Variants in ECT2 observed in about 807,000 individuals in gnomAD.
The protein encoded by ECT2 is protein ECT2.
Under a neutral mutation model 116.9 loss-of-function variants are expected in ECT2, and 61 were observed. That is an observed-to-expected ratio of 0.52 (90% CI 0.42 to 0.65). The LOEUF (loss-of-function observed/expected upper bound fraction) is 0.65, where lower values mean the gene tolerates loss of function less well. Ranked by LOEUF, ECT2 falls within the 30% of genes least tolerant of loss-of-function variation. The pLI is 0.00. For synonymous variants in ECT2, 358 were observed against 346.4 expected, an observed-to-expected ratio of 1.03 and a Z score of -0.37; for missense variants, 937 against 1,078.7, an observed-to-expected ratio of 0.87 and a Z score of 1.84.
chr3:172,816,487 C>G (rs1271764526), intron 23 of ECT2, among the ~76,000 whole-genome samples: 1 of 152,202 alleles, frequency 6.6e-6, no homozygotes. Context: ...TTCTCCTCCT[C>G]CTTCCATTGG....
intron 16 of ECT2, 96 bp from the exon 17 acceptor site, chr3:172,784,611 T>C: frequency 1.2e-6 from 1 of 853,666 alleles, no homozygotes; most frequent in South Asian, 1.5e-5. Context: ...TTAGTTTGTA[T>C]CACAGACACT....
chr3:172,751,766 G>C (rs977389843), intron 1 of ECT2, among the ~76,000 whole-genome samples: 2 of 152,172 alleles, frequency 1.3e-5, no homozygotes, highest in African/African-American at 4.8e-5. Context: ...CCTTGGGTCT[G>C]TTCTTGGGTG....
chr3:172,754,746 C>G, intron 2 of ECT2, 86 bp downstream of exon 2: 1 of 1,035,334 alleles, frequency 9.7e-7, no homozygotes, highest in Non-Finnish European at 1.4e-6. Flanking sequence ...AATTTTAATA[C>G]CAACTGTAAT....
chr3:172,764,111 T>C (rs73880266), intron 11 of ECT2, among the ~76,000 whole-genome samples, 167 bp from the exon 12 acceptor site: 9,621 of 152,260 alleles, frequency 0.063, 1,023 homozygotes, highest in African/African-American at 0.22. Flanking sequence ...AGTCGTCTCT[T>C]GACTATTATG....
chr3:172,790,620 T>C (rs1298563595), intron 18 of ECT2, among the ~76,000 whole-genome samples: 1 of 152,216 alleles, frequency 6.6e-6, no homozygotes, highest in Non-Finnish European at 1.5e-5. Context: ...ATGGATCTGT[T>C]CTATCTGTGG....
intron 12 of ECT2, among the ~76,000 whole-genome samples, chr3:172,766,709 A>C (rs925056356): frequency 2.6e-5 from 4 of 152,220 alleles, no homozygotes; most frequent in African/African-American, 9.6e-5. Flanking sequence ...GAGGTAGTGA[A>C]GTTTTAGAGA....
Position 172,760,165 on chromosome 3 carries a change from G to A in ECT2, c.586G>A (p.Val196Met). 1 of 1,603,804 alleles carries A rather than the reference G, an allele frequency of 6.2e-7. No homozygotes were observed. The change falls in exon 7 of 25, where the codon GTG becomes ATG. Residue 196 changes from valine to methionine, a missense_variant. Val to Met is a conservative substitution (Grantham distance 21, BLOSUM62 1). Transcript: ENST00000392692. ...TAATTTTTCTTTTGAGGTCAGGTTG[G>A]TGACATTGGTCCATCACATGGGTGG... ...FRKKEELVRL[V>M]TLVHHMGGVI...
chr3:172,797,018 C>CTGTGTGTGTGTGTGTGTGTGTGTGTGTG (rs57188529), intron 18 of ECT2, among the ~76,000 whole-genome samples: 12 of 139,126 alleles, frequency 8.6e-5, no homozygotes, highest in African/African-American at 3.0e-4. Context: ...TCAGGTTCAA[C>CTGTGTGTGTGTGTGTGTGTGTGTGTGTG]TGTGTGTGTG....
At chr3:172,824,838 G>GT (rs1436414420), downstream of ECT2, among the ~76,000 whole-genome samples, 3 of 152,090 alleles carry the variant, frequency 2.0e-5, no homozygotes, top group Non-Finnish European at 4.4e-5. Flanking sequence ...GATGTTGCAA[G>GT]TTTTATGAAT....
intron 24 of ECT2, among the ~76,000 whole-genome samples, chr3:172,817,810 T>G (rs1399690280): frequency 6.6e-6 from 1 of 152,096 alleles, no homozygotes; most frequent in Non-Finnish European, 1.5e-5. Context: ...TTTCTTATTC[T>G]CTCAACTGCA....
Position 172,764,311 on chromosome 3 carries a change from A to G in ECT2, c.1102A>G (p.Met368Val), listed in dbSNP as rs369761944. ...NTPELKKSVS[M>V]LSLNTPNSNR... ...TCCTGAGCTCAAGAAATCAGTGTCA[A>G]TGCTTTCTCTAAATACCCCTAACAG... Residue 368 changes from methionine to valine, a missense_variant, in exon 12 of 25, where the codon ATG becomes GTG. By Grantham distance (21) the Met-to-Val change is conservative (BLOSUM62 1). Coordinates refer to ENST00000392692, the MANE Select transcript of ECT2 (RefSeq NM_001258315.2). 134 of 1,614,014 alleles carry G rather than the reference A, an allele frequency of 8.3e-5. No homozygotes were observed. Among genetic ancestry groups the G allele is most frequent in the Admixed American group, 2.3e-4 (14 of 60,004 alleles).
At chr3:172,761,524 CA>C (rs1009458221) in intron 7 of ECT2, 85 bp from the exon 8 acceptor site, 5 of 901,630 alleles carry the variant, frequency 5.5e-6, no homozygotes, top group Non-Finnish European at 7.0e-6. Flanking sequence ...TCTAAAACTG[CA>C]AAAAATTAAG....
Position 172,783,844 on chromosome 3 carries a change from G to A in ECT2, c.1663G>A (p.Glu555Lys). The A allele has an allele frequency of 5.6e-6, 9 of 1,606,992 alleles. No individual in the cohort carries two copies. The highest frequency in any genetic ancestry group is 7.6e-6 in the Non-Finnish European group (9 of 1,176,946). The change falls in exon 16 of 25, where the codon GAA (glutamate) becomes AAA (lysine). Residue 555 changes from glutamate to lysine, a missense_variant. Glu to Lys is a moderately conservative substitution (Grantham distance 56, BLOSUM62 1). Transcript: ENST00000392692. ...KTYPPFVNFF[E>K]MSKETIIKCE... The stretch of plus-strand genomic sequence containing the variant: ...CTACCCTCCCTTTGTAAACTTCTTT[G>A]AAATGAGCAAGGAAACAATTATTAA...
chr3:172,814,841 A>G (rs1483098381), intron 22 of ECT2, among the ~76,000 whole-genome samples: 1 of 152,174 alleles, frequency 6.6e-6, no homozygotes, highest in Non-Finnish European at 1.5e-5. Context: ...TTTGAAATAT[A>G]CAATGCAATA....
intron 21 of ECT2, 90 bp from the exon 22 acceptor site, chr3:172,807,680 A>T: frequency 2.1e-6 from 3 of 1,399,106 alleles, no homozygotes; most frequent in Non-Finnish European, 2.9e-6. Context: ...TTTCATTGGA[A>T]TTTCATTGCT....
chr3:172,776,832 TCACATAGTG>T (rs541512148), intron 14 of ECT2, among the ~76,000 whole-genome samples: 153 of 152,184 alleles, frequency 1.0e-3, no homozygotes, highest in African/African-American at 3.6e-3. Context: ...TTTTATAATA[TCACATAGTG>T]GTTAAGAATA....
chr3:172,814,339 G>A (rs1186563229), intron 22 of ECT2, among the ~76,000 whole-genome samples: 1 of 151,794 alleles, frequency 6.6e-6, no homozygotes, highest in Non-Finnish European at 1.5e-5. Context: ...ATTACTATGG[G>A]TTAGGTATAC....
intron 6 of ECT2, 94 bp downstream of exon 6, chr3:172,759,163 T>A: frequency 1.2e-6 from 1 of 840,454 alleles, no homozygotes; most frequent in Non-Finnish European, 1.8e-6. Flanking sequence ...GTTTTATTTT[T>A]AAAATATTGA....
chr3:172,794,760 G>A (rs1688562138), intron 18 of ECT2, among the ~76,000 whole-genome samples: 1 of 152,078 alleles, frequency 6.6e-6, no homozygotes, highest in African/African-American at 2.4e-5. Flanking sequence ...TGTCACCCAG[G>A]CTGGAGTGCA....
Sources: gnomAD v4.1 joint callset for allele counts (sites outside exome capture counted in the v4.1 genomes callset) on GRCh38, gnomAD v4.1.1 for gene constraint, MANE v1.5 for transcripts, NCBI Gene and HGNC (gene_info 2026-07-23, HGNC 2026-07-21) for gene names.